Variants in SRP9 observed in about 807,000 individuals in gnomAD.
The protein encoded by SRP9 is signal recognition particle 9 kDa protein.
In SRP9, 2 loss-of-function variants were observed where a neutral mutation model predicts 11.7. That is an observed-to-expected ratio of 0.17 (90% CI 0.07 to 0.54). SRP9 has a LOEUF of 0.54. SRP9 is among the 20% of genes least tolerant of loss of function. The pLI is 0.94. For synonymous variants in SRP9, 27 were observed against 35.6 expected, an observed-to-expected ratio of 0.76 and a Z score of 0.86; for missense variants, 54 against 108.1, an observed-to-expected ratio of 0.50 and a Z score of 2.22.
chr1:225,783,763 T>C (rs749466827), intron 2 of SRP9, among the ~76,000 whole-genome samples: 5 of 152,238 alleles, frequency 3.3e-5, no homozygotes, highest in Non-Finnish European at 7.3e-5. Flanking sequence ...CTTAACCCTC[T>C]GCCATTTGTT....
intron 2 of SRP9, among the ~76,000 whole-genome samples, chr1:225,785,932 C>G (rs1272499990): frequency 6.6e-6 from 1 of 152,168 alleles, no homozygotes; most frequent in Non-Finnish European, 1.5e-5. Context: ...GCGATCCACC[C>G]ACCTCGGCCT....
chr1:225,780,617 A>G (rs1440706203), intron 1 of SRP9, among the ~76,000 whole-genome samples: 1 of 152,184 alleles, frequency 6.6e-6, no homozygotes. Flanking sequence ...CTGTTAAGTG[A>G]TATACCTAGT....
chr1:225,781,395 CTTTT>C (rs11315558), intron 1 of SRP9, among the ~76,000 whole-genome samples: 3 of 87,824 alleles, frequency 3.4e-5, no homozygotes, highest in Non-Finnish European at 6.4e-5. Flanking sequence ...TTTTCTTTTT[CTTTT>C]TTTTTTTTTT....
At chr1:225,785,838 A>G (rs1226406690) in intron 2 of SRP9, among the ~76,000 whole-genome samples, 4 of 151,996 alleles carry the variant, frequency 2.6e-5, no homozygotes, top group African/African-American at 9.7e-5. Flanking sequence ...GGGCACCACC[A>G]CACCCAGCTA....
chr1:225,789,590 A>C lies in SRP9; in HGVS notation c.*231A>C. On this transcript the variant is annotated 3_prime_UTR_variant, in exon 3 of 3. Transcript: ENST00000304786. ...ATTGAACAAGAAATGCATCTGTCTT[A>C]GAAACTGGAGATTATTTGATGTTAG... 3.1e-6 allele frequency: 1 copy of C among 326,382 alleles called. No homozygotes were observed. The highest frequency in any genetic ancestry group is 5.7e-6 in the Non-Finnish European group (1 of 175,916). 20.2% of individuals were successfully genotyped at this position (326,382 alleles called of 1,614,324 possible). A position where few individuals can be genotyped will look rare whatever the true frequency, so the allele number is the denominator to read the frequency against.
At chr1:225,779,945 C>T (rs1011501843) in intron 1 of SRP9, among the ~76,000 whole-genome samples, 1 of 152,158 alleles carries the variant, frequency 6.6e-6, no homozygotes, top group Non-Finnish European at 1.5e-5. Context: ...AATGTGATGG[C>T]AGTGGTAGGG....
chr1:225,780,603 A>G (rs967638040), intron 1 of SRP9, among the ~76,000 whole-genome samples: 1 of 152,218 alleles, frequency 6.6e-6, no homozygotes, highest in Non-Finnish European at 1.5e-5. Context: ...GAATGATTTT[A>G]TATCTGTTAA....
intron 1 of SRP9, among the ~76,000 whole-genome samples, chr1:225,780,860 C>T (rs1051614772): frequency 1.3e-5 from 2 of 152,152 alleles, no homozygotes; most frequent in African/African-American, 4.8e-5. Context: ...ATGTAATAAC[C>T]TCTTTGTTGG....
chr1:225,784,880 C>G (rs2102649977), intron 2 of SRP9, among the ~76,000 whole-genome samples: 1 of 152,156 alleles, frequency 6.6e-6, no homozygotes, highest in South Asian at 2.1e-4. Context: ...TCTTCTGTTC[C>G]TACCTTCCTA....
At chr1:225,786,683 G>A (rs752217871) in intron 2 of SRP9, among the ~76,000 whole-genome samples, 1 of 152,074 alleles carries the variant, frequency 6.6e-6, no homozygotes, top group Non-Finnish European at 1.5e-5. Context: ...TTTTGGCCTT[G>A]GAAAAGTTTA....
At chr1:225,788,414 A>ATT (rs35284825) in intron 2 of SRP9, among the ~76,000 whole-genome samples, 1,779 of 128,004 alleles carry the variant, frequency 0.014, 21 homozygotes, top group Non-Finnish European at 0.022. Flanking sequence ...GCAAATCAAG[A>ATT]TTTTTTTTTT....
chr1:225,782,557 G>GA (rs1174883031), intron 1 of SRP9, among the ~76,000 whole-genome samples: 2 of 151,892 alleles, frequency 1.3e-5, no homozygotes, highest in Non-Finnish European at 2.9e-5. Context: ...ATCCATCACT[G>GA]AAAAAAAATA....
intron 2 of SRP9, among the ~76,000 whole-genome samples, chr1:225,784,164 G>C (rs1665850515): frequency 7.1e-6 from 1 of 140,166 alleles, no homozygotes; most frequent in African/African-American, 2.7e-5. Flanking sequence ...CTGACTTTCT[G>C]ACTAGCATCT....
Position 225,785,679 on chromosome 1 carries a change from CT to C in SRP9, c.141+2331del, listed in dbSNP as rs59464847. 2.6e-3 allele frequency among the ~76,000 whole-genome samples: 314 copies of C among 123,040 alleles called. 3 individuals carry two copies. Among genetic ancestry groups the C allele is most frequent in the East Asian group, 0.022 (91 of 4,108 alleles). 80.7% of individuals were successfully genotyped at this position (123,040 alleles called of 152,430 possible). Reference sequence around the variant, plus strand: ...ATAGGCGTGAGCCACTGTGCCTGGACTTTTTTTTTTTTTTTTTTTTAAAGAA... The same window carrying C: ...ATAGGCGTGAGCCACTGTGCCTGGACTTTTTTTTTTTTTTTTTTTAAAGAA... On this transcript the variant is annotated intron_variant, in intron 2 of 2. Coordinates refer to ENST00000304786, the MANE Select transcript of SRP9 (RefSeq NM_003133.6).
chr1:225,784,845 AAAAC>A (rs547189659), intron 2 of SRP9, among the ~76,000 whole-genome samples: 5 of 152,150 alleles, frequency 3.3e-5, no homozygotes, highest in South Asian at 4.2e-4. Flanking sequence ...CCATCTCAAA[AAAAC>A]AAACAAAAAA....
At chr1:225,780,449 G>C (rs1273303843) in intron 1 of SRP9, among the ~76,000 whole-genome samples, 1 of 152,028 alleles carries the variant, frequency 6.6e-6, no homozygotes. Flanking sequence ...GCGCCATCTT[G>C]GCTCACTGCA....
chr1:225,778,257 G>A (rs976913474), intron 1 of SRP9, among the ~76,000 whole-genome samples: 1 of 152,192 alleles, frequency 6.6e-6, no homozygotes, highest in East Asian at 1.9e-4. Flanking sequence ...CGATCTTCCC[G>A]CCCCAGTCCC....
At chr1:225,787,386 A>G (rs1665940195) in intron 2 of SRP9, among the ~76,000 whole-genome samples, 1 of 151,960 alleles carries the variant, frequency 6.6e-6, no homozygotes, top group African/African-American at 2.4e-5. Context: ...TACAAATATT[A>G]GCATGGTGGT....
intron 2 of SRP9, chr1:225,788,948 G>C (rs1420237740): frequency 3.4e-6 from 5 of 1,486,628 alleles, no homozygotes; most frequent in Non-Finnish European, 4.5e-6. Context: ...TAAGTCTTGA[G>C]TTCTTCTCAT....
Sources: gnomAD v4.1 joint callset for allele counts (sites outside exome capture counted in the v4.1 genomes callset) on GRCh38, gnomAD v4.1.1 for gene constraint, MANE v1.5 for transcripts, NCBI Gene and HGNC (gene_info 2026-07-23, HGNC 2026-07-21) for gene names.